The following PPP3CA variants were observed in gnomAD, a reference collection of about 807,000 sequenced individuals.
PPP3CA encodes the protein protein phosphatase 3 catalytic subunit alpha, also known as CAM-PRP catalytic subunit.
A neutral mutation model predicts 66.5 loss-of-function variants in PPP3CA; 14 were observed. That is an observed-to-expected ratio of 0.21 (90% confidence interval 0.14 to 0.33). PPP3CA has a LOEUF of 0.33. PPP3CA is among the 10% of genes least tolerant of loss of function. The pLI is 1.00. For missense variants in PPP3CA, 317 were observed against 639.5 expected (o/e 0.50, Z 5.44); for synonymous variants, 232 against 226.2 (o/e 1.03, Z -0.23).
rs539076413 is a variant in PPP3CA, at chr4:101,170,942, G to A, written c.259+24974C>T. On this transcript the variant is annotated intron_variant, in intron 2 of 13. Transcript: ENST00000394854. ...CATTCTAGTCTAGTCAAACTTATTT[G>A]GGCAAATAATCATTTTGGTATTTTT... is the stretch of plus-strand genomic sequence containing the variant. The A allele has an allele frequency of 4.7e-3, 1,266 of 271,176 alleles. 2 individuals carry two copies. The highest frequency in any genetic ancestry group is 7.2e-3 in the Non-Finnish European group (984 of 136,620). The allele number at this position is 271,176 out of a possible 1,614,324, so 16.8% of individuals were successfully genotyped here.
chr4:101,032,718 GC>G (rs1727035300), intron 11 of PPP3CA, among the ~76,000 whole-genome samples: 1 of 152,084 alleles, frequency 6.6e-6, no homozygotes, highest in Non-Finnish European at 1.5e-5. Context: ...CATAGAGAAT[GC>G]TGATGTTAAG....
chr4:101,091,488 C>G (rs1403265907), intron 6 of PPP3CA, among the ~76,000 whole-genome samples: 1 of 151,446 alleles, frequency 6.6e-6, no homozygotes, highest in Non-Finnish European at 1.5e-5. Flanking sequence ...GAACAAACCT[C>G]TCTGTTAATA....
intron 11 of PPP3CA, among the ~76,000 whole-genome samples, chr4:101,035,614 C>T (rs996053644): frequency 2.0e-5 from 3 of 152,106 alleles, no homozygotes; most frequent in Admixed American, 1.3e-4. Flanking sequence ...TTAAATGATA[C>T]ACTGTTACAA....
chr4:101,191,695 C>T (rs927704039), intron 2 of PPP3CA, among the ~76,000 whole-genome samples: 1 of 152,120 alleles, frequency 6.6e-6, no homozygotes, highest in African/African-American at 2.4e-5. Flanking sequence ...GATTCCTATC[C>T]CTGCTTAACT....
At chr4:101,159,658 T>A (rs191659815) in intron 2 of PPP3CA, among the ~76,000 whole-genome samples, 156 of 152,292 alleles carry the variant, frequency 1.0e-3, no homozygotes, top group African/African-American at 3.7e-3. Context: ...GATTCAGAAA[T>A]CCTCATAATG....
chr4:101,204,933 T>C (rs1725085929), intron 1 of PPP3CA, among the ~76,000 whole-genome samples: 2 of 150,132 alleles, frequency 1.3e-5, no homozygotes, highest in South Asian at 4.3e-4. Context: ...ATATATATAT[T>C]CAGGTACACC....
intron 1 of PPP3CA, among the ~76,000 whole-genome samples, chr4:101,229,003 T>G (rs1287970580): frequency 6.6e-6 from 1 of 151,700 alleles, no homozygotes. Context: ...GTCACTCTAC[T>G]TAGCACTAAA....
intron 1 of PPP3CA, among the ~76,000 whole-genome samples, chr4:101,234,091 G>A (rs1726049620): frequency 6.6e-6 from 1 of 151,636 alleles, no homozygotes; most frequent in African/African-American, 2.4e-5. Flanking sequence ...CCTTTTTATG[G>A]CTGCACAGTA....
In PPP3CA at chr4:101,291,693, T is replaced by C. The variant is rs77371550; in HGVS notation, c.58+55046A>G. 4.3e-3 allele frequency among the ~76,000 whole-genome samples: 650 copies of C among 152,322 alleles called. 6 individuals are homozygous for C. Among genetic ancestry groups the C allele is most frequent in the African/African-American group, 0.014 (596 of 41,578 alleles). On this transcript the variant is annotated intron_variant, in intron 1 of 13. Transcript: ENST00000394854. ...AAAATACTTGAATGAATATCTGTAA[T>C]AGCAAACACAGGCTGATTACTTGGA...
intron 1 of PPP3CA, among the ~76,000 whole-genome samples, chr4:101,262,232 C>T (rs980127069): frequency 1.3e-5 from 2 of 151,984 alleles, no homozygotes; most frequent in South Asian, 2.1e-4. Flanking sequence ...CTATACTTTA[C>T]AGAAGCACTT....
At chr4:101,243,990 T>C (rs1480412149) in intron 1 of PPP3CA, among the ~76,000 whole-genome samples, 2 of 152,198 alleles carry the variant, frequency 1.3e-5, no homozygotes, top group East Asian at 3.9e-4. Flanking sequence ...GTTTGGTATC[T>C]TTTTTACAGA....
intron 2 of PPP3CA, among the ~76,000 whole-genome samples, chr4:101,191,574 C>A (rs1025477547): frequency 6.6e-6 from 1 of 152,074 alleles, no homozygotes; most frequent in South Asian, 2.1e-4. Flanking sequence ...GGGCAAAATG[C>A]CCCAGACAAA....
chr4:101,347,142 G>C lies in PPP3CA; in HGVS notation c.-346C>G. On this transcript the variant is annotated 5_prime_UTR_variant, in exon 1 of 14. Transcript: ENST00000394854. ...GGATGGGGAGGAGAAGCGCACACAC[G>C]AGCACCCACCCCGGCACGGAGACCC... The C allele has an allele frequency of 2.3e-6, 1 of 436,526 alleles. No homozygotes were observed. The highest frequency in any genetic ancestry group is 4.2e-6 in the Non-Finnish European group (1 of 240,826). 27.0% of individuals were successfully genotyped at this position (436,526 alleles called of 1,614,324 possible). A position where few individuals can be genotyped will look rare whatever the true frequency, so the allele number is the denominator to read the frequency against.
In PPP3CA at chr4:101,141,507, C is replaced by T. The variant is rs75482435; in HGVS notation, c.260-32429G>A. 7.1e-3 allele frequency among the ~76,000 whole-genome samples: 1,080 copies of T among 152,244 alleles called. 17 individuals carry two copies. The highest frequency in any genetic ancestry group is 0.025 in the African/African-American group (1,051 of 41,538). On this transcript the variant is annotated intron_variant, in intron 2 of 13. Coordinates refer to ENST00000394854, the MANE Select transcript of PPP3CA (RefSeq NM_000944.5). Reference sequence around the variant, plus strand: ...CAGTGGTCATGCTCTCCTAAAAATACCAGGCCAATTCTTACCTCACGTCCT... The same window carrying T: ...CAGTGGTCATGCTCTCCTAAAAATATCAGGCCAATTCTTACCTCACGTCCT...
intron 6 of PPP3CA, among the ~76,000 whole-genome samples, chr4:101,086,953 C>A (rs1729699813): frequency 6.6e-6 from 1 of 152,196 alleles, no homozygotes; most frequent in South Asian, 2.1e-4. Flanking sequence ...TCCCTCCTCC[C>A]TCAGTGCTTT....
intron 2 of PPP3CA, among the ~76,000 whole-genome samples, chr4:101,132,068 A>G (rs1360635965): frequency 6.6e-6 from 1 of 152,224 alleles, no homozygotes; most frequent in East Asian, 1.9e-4. Context: ...GAACAAAGAC[A>G]CAATGTACCA....
At chr4:101,075,919 G>A (rs559653704) in intron 8 of PPP3CA, among the ~76,000 whole-genome samples, 46 of 152,252 alleles carry the variant, frequency 3.0e-4, no homozygotes, top group Admixed American at 7.2e-4. Flanking sequence ...GACCATGTCT[G>A]TCTTGTTTCA....
At chr4:101,161,003 C>T (rs1048255607) in intron 2 of PPP3CA, among the ~76,000 whole-genome samples, 1 of 152,118 alleles carries the variant, frequency 6.6e-6, no homozygotes, top group East Asian at 1.9e-4. Context: ...CAAGGACATG[C>T]TGCCTACATG....
chr4:101,219,288 A>G (rs1191732969), intron 1 of PPP3CA, among the ~76,000 whole-genome samples: 1 of 152,004 alleles, frequency 6.6e-6, no homozygotes, highest in Non-Finnish European at 1.5e-5. Context: ...AATAAAATCT[A>G]TTCTCCCTTC....
Sources: allele counts gnomAD v4.1 joint callset (sites outside exome capture counted in the v4.1 genomes callset), GRCh38; gene constraint gnomAD v4.1.1; transcripts MANE v1.5; gene names NCBI Gene and HGNC (gene_info 2026-07-23, HGNC 2026-07-21).